The following RABGAP1L variants were observed in gnomAD, a reference collection of about 807,000 sequenced individuals.
RABGAP1L encodes the protein rab GTPase-activating protein 1-like.
In RABGAP1L, 63 loss-of-function variants were observed where a neutral mutation model predicts 137.7. The ratio of observed to expected loss-of-function variants is 0.46; its 90% confidence interval spans 0.37 to 0.56. The LOEUF is 0.56. Among genes scored for constraint, RABGAP1L ranks in the 20% least tolerant of loss-of-function variants. The probability of loss-of-function intolerance (pLI) is 0.00; values close to 1 mark genes in which losing one functional copy is unlikely to be tolerated. For missense variants in RABGAP1L, 1,095 were observed against 1,244.0 expected (o/e 0.88, Z 1.80); for synonymous variants, 431 against 433.7 (o/e 0.99, Z 0.08).
intron 18 of RABGAP1L, among the ~76,000 whole-genome samples, chr1:174,785,121 A>G (rs1016366594): frequency 6.6e-6 from 1 of 152,208 alleles, no homozygotes; most frequent in South Asian, 2.1e-4. Flanking sequence ...CTGGAGTACA[A>G]TGGCGCAATC....
intron 11 of RABGAP1L, among the ~76,000 whole-genome samples, chr1:174,339,469 G>A (rs911419304): frequency 3.3e-5 from 5 of 152,198 alleles, no homozygotes; most frequent in Non-Finnish European, 7.3e-5. Context: ...AGTCCCGAAT[G>A]TCTAATTCAG....
At chr1:174,945,339 A>G (rs1311043361) in intron 19 of RABGAP1L, among the ~76,000 whole-genome samples, 3 of 152,230 alleles carry the variant, frequency 2.0e-5, no homozygotes, top group African/African-American at 7.2e-5. Context: ...ATTTCTAACC[A>G]AAAACTTATT....
At chr1:174,350,962 C>T (rs1270325502) in intron 11 of RABGAP1L, among the ~76,000 whole-genome samples, 3 of 77,486 alleles carry the variant, frequency 3.9e-5, no homozygotes, top group Non-Finnish European at 5.8e-5. Flanking sequence ...TGCCTGCAAT[C>T]GCAGGCATTC....
chr1:174,213,480 A>G (rs1298854777), intron 1 of RABGAP1L, among the ~76,000 whole-genome samples: 5 of 152,220 alleles, frequency 3.3e-5, no homozygotes, highest in South Asian at 2.1e-4. Context: ...CTAAGAGGCT[A>G]ATATTACCCT....
chr1:174,847,109 G>A (rs1363660518), intron 19 of RABGAP1L, among the ~76,000 whole-genome samples: 1 of 144,048 alleles, frequency 6.9e-6, no homozygotes. Flanking sequence ...TTTATTTTGA[G>A]CCTATGTGTG....
chr1:174,674,569 G>A (rs1677447969), intron 14 of RABGAP1L, among the ~76,000 whole-genome samples: 1 of 151,670 alleles, frequency 6.6e-6, no homozygotes, highest in South Asian at 2.1e-4. Context: ...TGTCTTTATA[G>A]CAGCATGATT....
intron 12 of RABGAP1L, among the ~76,000 whole-genome samples, chr1:174,385,955 A>G (rs1686730702): frequency 6.6e-6 from 1 of 152,110 alleles, no homozygotes. Flanking sequence ...GTGGGTTGAG[A>G]GTTTTTTATT....
chr1:174,704,664 T>C (rs754758687), intron 17 of RABGAP1L, among the ~76,000 whole-genome samples: 19 of 152,324 alleles, frequency 1.2e-4, no homozygotes, highest in Admixed American at 8.5e-4. Context: ...ACTTACAAAT[T>C]AGTTTGTAAA....
chr1:174,699,232 A>T (rs1182697203), intron 15 of RABGAP1L, among the ~76,000 whole-genome samples: 3 of 152,090 alleles, frequency 2.0e-5, no homozygotes, highest in Admixed American at 6.5e-5. Context: ...GGCTTAAGTG[A>T]TCTGGCTGCC....
intron 18 of RABGAP1L, among the ~76,000 whole-genome samples, chr1:174,772,464 A>C (rs1316845856): frequency 6.9e-6 from 1 of 144,880 alleles, no homozygotes; most frequent in African/African-American, 2.6e-5. Flanking sequence ...GCTACTCAGG[A>C]GACTGAGATG....
chr1:174,964,330 G>T (rs1420244149), intron 20 of RABGAP1L, among the ~76,000 whole-genome samples: 1 of 152,154 alleles, frequency 6.6e-6, no homozygotes, highest in East Asian at 1.9e-4. Flanking sequence ...TTGAGCTAGG[G>T]TTTATAAAGC....
At chr1:174,732,392 A>G (rs1682559298) in intron 17 of RABGAP1L, among the ~76,000 whole-genome samples, 1 of 152,326 alleles carries the variant, frequency 6.6e-6, no homozygotes, top group Non-Finnish European at 1.5e-5. Flanking sequence ...CTCTAAGTAG[A>G]TTAGGTAATT....
chr1:174,747,884 T>A lies in RABGAP1L; in HGVS notation c.2170-4429T>A, dbSNP rs332778. ...TATGCATTTTATCTTTTTTTTTTTT[T>A]AATATATGTCTTCATTTCTGTGAGA... On this transcript the variant is annotated intron_variant, in intron 17 of 25. Transcript: ENST00000681986. Among the ~76,000 whole-genome samples the A allele has an allele frequency of 4.0e-3, 593 of 146,892 alleles. 4 individuals carry two copies. The highest frequency in any genetic ancestry group is 0.012 in the African/African-American group (456 of 38,558).
At chr1:174,462,127 A>G (rs778799077) in intron 13 of RABGAP1L, among the ~76,000 whole-genome samples, 1 of 152,112 alleles carries the variant, frequency 6.6e-6, no homozygotes. Context: ...TTCCCTGACT[A>G]TGCTCTAATA....
chr1:174,548,174 C>T, intron 13 of RABGAP1L: 1 of 1,458,940 alleles, frequency 6.9e-7, no homozygotes, highest in Non-Finnish European at 9.0e-7. Context: ...ATTTTACAAC[C>T]TGTGTGCATA....
intron 13 of RABGAP1L, among the ~76,000 whole-genome samples, chr1:174,531,922 T>C (rs565279140): frequency 2.0e-5 from 3 of 152,260 alleles, no homozygotes; most frequent in African/African-American, 7.2e-5. Flanking sequence ...GAAAAAATTA[T>C]TTCCAACCTA....
intron 19 of RABGAP1L, among the ~76,000 whole-genome samples, chr1:174,879,365 T>C (rs1203484226): frequency 6.6e-6 from 1 of 152,012 alleles, no homozygotes; most frequent in Non-Finnish European, 1.5e-5. Context: ...CCCAAAGTGC[T>C]GGGATTACAG....
intron 10 of RABGAP1L, among the ~76,000 whole-genome samples, chr1:174,279,623 A>G (rs1172297424): frequency 6.6e-6 from 1 of 152,162 alleles, no homozygotes; most frequent in East Asian, 1.9e-4. Context: ...TATACTATGT[A>G]CTTGGAAATT....
intron 14 of RABGAP1L, among the ~76,000 whole-genome samples, chr1:174,647,622 A>C (rs1227749620): frequency 6.6e-6 from 1 of 152,070 alleles, no homozygotes; most frequent in Non-Finnish European, 1.5e-5. Flanking sequence ...TATTTTATTG[A>C]GGATTTTCGC....
Sources: allele counts gnomAD v4.1 joint callset (sites outside exome capture counted in the v4.1 genomes callset), GRCh38; gene constraint gnomAD v4.1.1; transcripts MANE v1.5; gene names NCBI Gene and HGNC (gene_info 2026-07-23, HGNC 2026-07-21).